Variants in LRGUK observed in about 807,000 individuals in gnomAD.
LRGUK encodes leucine rich repeats and guanylate kinase domain containing.
LRGUK carries 65 observed loss-of-function variants against 76.0 expected under a neutral mutation model. The ratio of observed to expected loss-of-function variants is 0.85; its 90% CI spans 0.70 to 1.05. LRGUK has a LOEUF of 1.05. Among genes scored for constraint, LRGUK ranks in the 50% least tolerant of loss-of-function variants. LRGUK has a pLI of 0.00. For synonymous variants in LRGUK, 268 were observed against 265.6 expected, an observed-to-expected ratio of 1.01 and a Z score of -0.09; for missense variants, 758 against 732.8, an observed-to-expected ratio of 1.03 and a Z score of -0.40.
At chr7:134,227,045 T>C (rs1056167743) in intron 16 of LRGUK, among the ~76,000 whole-genome samples, 1 of 146,090 alleles carries the variant, frequency 6.8e-6, no homozygotes, top group African/African-American at 2.7e-5. Context: ...AAATCTGGAT[T>C]AAAAAAATAT....
intron 7 of LRGUK, among the ~76,000 whole-genome samples, chr7:134,171,195 G>T (rs1269333905): frequency 6.6e-6 from 1 of 150,538 alleles, no homozygotes; most frequent in Non-Finnish European, 1.5e-5. Context: ...ATACTGAGAA[G>T]ATCTGTTTCT....
At chr7:134,157,951 G>A (rs1043216790) in intron 5 of LRGUK, 84 bp from the exon 6 acceptor site, 11 of 1,222,840 alleles carry the variant, frequency 9.0e-6, no homozygotes, top group Non-Finnish European at 1.3e-5. Context: ...GGTCTGCTTT[G>A]TCTAGTGATG....
the LRGUK span, among the ~76,000 whole-genome samples, chr7:134,275,485 C>T: frequency 1.3e-5 from 2 of 152,050 alleles, no homozygotes; most frequent in African/African-American, 4.8e-5. Context: ...TTTTTCTTTG[C>T]ATTTATTTTG....
chr7:134,207,501 C>T, intron 15 of LRGUK, among the ~76,000 whole-genome samples: 1 of 152,218 alleles, frequency 6.6e-6, no homozygotes, highest in South Asian at 2.1e-4. Flanking sequence ...TCAGAAACTG[C>T]ACCAAGAGGG....
chr7:134,131,554 G>T (rs1797308841), intron 1 of LRGUK, among the ~76,000 whole-genome samples: 1 of 152,294 alleles, frequency 6.6e-6, no homozygotes, highest in South Asian at 2.1e-4. Context: ...TTACAGGTGA[G>T]AACAGAAGAA....
chr7:134,215,116 C>T (rs1801400290), downstream of LRGUK, among the ~76,000 whole-genome samples: 2 of 152,038 alleles, frequency 1.3e-5, no homozygotes, highest in East Asian at 3.9e-4. Flanking sequence ...GTACTTAGTA[C>T]TCCTTAGATA....
chr7:134,249,074 G>A (rs781262826), exon 18 of LRGUK: 1 of 1,560,862 alleles, frequency 6.4e-7, no homozygotes, highest in Admixed American at 1.9e-5. Context: ...ATCCTGAAAA[G>A]AGGTGAGTTG....
intron 15 of LRGUK, among the ~76,000 whole-genome samples, chr7:134,218,430 A>C (rs185778441): frequency 5.7e-5 from 8 of 140,600 alleles, no homozygotes; most frequent in Admixed American, 1.4e-4. Flanking sequence ...TTTGAAAAGT[A>C]ATCAGTCATA....
At chr7:134,237,850 T>C (rs1802050435) in intron 16 of LRGUK, among the ~76,000 whole-genome samples, 1 of 152,210 alleles carries the variant, frequency 6.6e-6, no homozygotes, top group Admixed American at 6.5e-5. Context: ...TTACTTAAGT[T>C]TTTTTCTATT....
At chr7:134,142,891 TG>T (rs1380484145) in intron 3 of LRGUK, among the ~76,000 whole-genome samples, 170 bp from the exon 4 acceptor site, 1 of 152,248 alleles carries the variant, frequency 6.6e-6, no homozygotes, top group African/African-American at 2.4e-5. Flanking sequence ...ACCTTTTTTT[TG>T]TATATTTCAC....
At chr7:134,154,705 G>A (rs1284625749) in intron 5 of LRGUK, among the ~76,000 whole-genome samples, 2 of 152,174 alleles carry the variant, frequency 1.3e-5, no homozygotes, top group African/African-American at 2.4e-5. Context: ...GTTAGTAACC[G>A]CAATGGTACC....
At chr7:134,164,558 T>C (rs1798890962) in intron 7 of LRGUK, among the ~76,000 whole-genome samples, 1 of 152,248 alleles carries the variant, frequency 6.6e-6, no homozygotes, top group African/African-American at 2.4e-5. Flanking sequence ...CGTTATTTTA[T>C]TTATATCGAA....
At chr7:134,236,328 A>G (rs1802015230) in intron 16 of LRGUK, among the ~76,000 whole-genome samples, 1 of 152,182 alleles carries the variant, frequency 6.6e-6, no homozygotes, top group Non-Finnish European at 1.5e-5. Context: ...ACAAGTGTGC[A>G]TCCTTAGATT....
At chr7:134,250,808 A>G (rs1435836053) in intron 18 of LRGUK, among the ~76,000 whole-genome samples, 4 of 152,196 alleles carry the variant, frequency 2.6e-5, no homozygotes, top group Admixed American at 6.5e-5. Context: ...ACAGCAAAAA[A>G]GAGAAAACAA....
chr7:134,191,589 T>C (rs902973104), intron 11 of LRGUK, 66 bp from the exon 12 acceptor site: 2 of 1,038,782 alleles, frequency 1.9e-6, no homozygotes, highest in South Asian at 2.8e-5. Flanking sequence ...ATAATTTATA[T>C]TGAAACCTTT....
chr7:134,256,947 C>T (rs1029717331), intron 18 of LRGUK, among the ~76,000 whole-genome samples: 1 of 152,060 alleles, frequency 6.6e-6, no homozygotes. Context: ...AAATGAGTGA[C>T]AGAAAAGGGT....
intron 10 of LRGUK, among the ~76,000 whole-genome samples, chr7:134,181,560 G>GT (rs1563166316): frequency 6.6e-6 from 1 of 151,536 alleles, no homozygotes; most frequent in African/African-American, 2.4e-5. Context: ...TTCAGGGAAG[G>GT]TTTTTTTGAA....
chr7:134,238,319 C>T (rs565594590), intron 16 of LRGUK, among the ~76,000 whole-genome samples: 97 of 152,162 alleles, frequency 6.4e-4, no homozygotes, highest in African/African-American at 2.3e-3. Context: ...TTTATCATTA[C>T]CCTGTTTCCT....
rs184009777 is a variant in LRGUK at position 134,189,263 on chromosome 7, G to A, written c.1335-2392G>A. On this transcript the variant is annotated intron_variant, in intron 11 of 15. Transcript: ENST00000645682. Reference sequence around the variant, plus strand: ...AATATGTGGAAAGATTTAGACAAGGGAAAAGAAGAATTTTGAAAGTCCTGG... The same window carrying A: ...AATATGTGGAAAGATTTAGACAAGGAAAAAGAAGAATTTTGAAAGTCCTGG... Among the ~76,000 whole-genome samples, 15 of 152,274 alleles carry A rather than the reference G, an allele frequency of 9.9e-5. No individual in the cohort carries two copies. The East Asian group carries it at 2.7e-3, about 27-fold the overall frequency.
Sources: gnomAD v4.1 joint callset for allele counts (sites outside exome capture counted in the v4.1 genomes callset) on GRCh38, gnomAD v4.1.1 for gene constraint, MANE v1.5 for transcripts, NCBI Gene and HGNC (gene_info 2026-07-23, HGNC 2026-07-21) for gene names.